The following SACS variants were observed in gnomAD, a reference collection of about 807,000 sequenced individuals.
SACS encodes the protein sacsin molecular chaperone.
Under a neutral mutation model 348.0 loss-of-function variants are expected in SACS, and 197 were observed. The observed-to-expected ratio is 0.57, with a 90% CI of 0.50 to 0.64. The LOEUF is 0.64. Among genes scored for constraint, SACS ranks in the 30% least tolerant of loss-of-function variants. SACS has a pLI of 0.00. For synonymous variants in SACS, 1,985 were observed against 1,910.6 expected (o/e 1.04, Z -1.02); for missense variants, 4,999 against 5,360.8 (o/e 0.93, Z 2.11).
intron 9 of SACS, among the ~76,000 whole-genome samples, chr13:23,346,586 G>C (rs527437101): frequency 1.6e-4 from 25 of 152,290 alleles, no homozygotes; most frequent in African/African-American, 5.8e-4. Flanking sequence ...TCTATGAAGT[G>C]AATGTTTCCA....
chr13:23,388,614 C>T (rs895285883), intron 2 of SACS, among the ~76,000 whole-genome samples: 3 of 149,710 alleles, frequency 2.0e-5, no homozygotes, highest in South Asian at 2.1e-4. Flanking sequence ...TAATTCAAAG[C>T]GAAGTAACTC....
chr13:23,393,137 A>G (rs555440683), intron 2 of SACS, among the ~76,000 whole-genome samples: 1 of 152,270 alleles, frequency 6.6e-6, no homozygotes, highest in East Asian at 1.9e-4. Context: ...GCTCAAATGG[A>G]AAGAACATGA....
chr13:23,333,525 C>T lies in SACS; in HGVS notation c.10351G>A (p.Ala3451Thr). 1 of 1,613,474 alleles carries T rather than the reference C, an allele frequency of 6.2e-7. No individual in the cohort carries two copies. The highest frequency in any genetic ancestry group is 8.5e-7 in the Non-Finnish European group (1 of 1,179,604). Residue 3451 changes from alanine to threonine, a missense_variant, in exon 10 of 10, where the codon GCA becomes ACA. By Grantham distance (58) the Ala-to-Thr change is moderately conservative (BLOSUM62 0). Transcript: ENST00000382292. ...VEKWTQSSSSAFLEEKIHLKE... is the reference protein window; with the variant it reads ...VEKWTQSSSSTFLEEKIHLKE... ...AAGTGTATTTTTTCTTCAAGAAATG[C>T]AGATGATGATGACTGTGTCCATTTC...
intron 1 of SACS, among the ~76,000 whole-genome samples, chr13:23,425,677 A>G (rs928235372): frequency 6.6e-6 from 1 of 151,488 alleles, no homozygotes; most frequent in Admixed American, 6.6e-5. Flanking sequence ...GTGGTGGGGA[A>G]GGCGCCATTT....
At position 23,355,666 on chromosome 13, in the gene SACS, C is replaced by T; in HGVS notation, c.946G>A (p.Val316Ile). The change falls in exon 8 of 10, where the codon GTT becomes ATT. Residue 316 changes from valine to isoleucine, a missense_variant. Coordinates refer to ENST00000382292, the MANE Select transcript of SACS (RefSeq NM_014363.6). ...VLLFLKSVQDVSLYVREADGT... is the reference protein window; with the variant it reads ...VLLFLKSVQDISLYVREADGT... ...TCAGCCTCTCGGACATATAAGGAAA[C>T]ATCCTGCACACTTTTCAGAAAGAGC... The T allele has an allele frequency of 2.5e-6, 4 of 1,614,156 alleles. No individual in the cohort carries two copies. The highest frequency in any genetic ancestry group is 2.2e-5 in the South Asian group (2 of 91,084).
At chr13:23,357,085 G>C (rs981111208) in intron 7 of SACS, among the ~76,000 whole-genome samples, 2 of 152,180 alleles carry the variant, frequency 1.3e-5, no homozygotes, top group African/African-American at 4.8e-5. Flanking sequence ...TTAGAGAAGA[G>C]TCCTCCAGTT....
At chr13:23,353,928 T>C (rs773584431) in intron 8 of SACS, 52 bp from the exon 9 acceptor site, 6 of 1,074,280 alleles carry the variant, frequency 5.6e-6, no homozygotes, top group Middle Eastern at 2.0e-4. Flanking sequence ...AATTCCAAGA[T>C]TTTAAAAAAA....
At chr13:23,370,592 C>T (rs889967142) in intron 4 of SACS, among the ~76,000 whole-genome samples, 3 of 152,146 alleles carry the variant, frequency 2.0e-5, no homozygotes, top group East Asian at 3.9e-4. Flanking sequence ...AAACTTTGTA[C>T]CTTTGGCCAA....
chr13:23,368,583 A>G (rs962998353), intron 4 of SACS, 96 bp from the exon 5 acceptor site: 3 of 855,072 alleles, frequency 3.5e-6, no homozygotes, highest in Non-Finnish European at 5.8e-6. Context: ...ATAACTATAC[A>G]AGTTATGGTT....
At position 23,334,160 on chromosome 13, in the gene SACS, G is replaced by A; in HGVS notation, c.9716C>T (p.Ala3239Val). Residue 3239 changes from alanine to valine, a missense_variant, in exon 10 of 10, where the codon GCA (alanine) becomes GTA (valine). By Grantham distance (64) the Ala-to-Val change is moderately conservative (BLOSUM62 0). Around this residue, in one of 6 missense-constraint regions of SACS, gnomAD observed 734 missense variants for 694.0 expected, o/e 1.06. Coordinates refer to ENST00000382292, the MANE Select transcript of SACS (RefSeq NM_014363.6). ...TGCATTCTTAAGCCAAGACTCACTTGCAAAATTGTCTTTCCACTTTGTGCA... is the reference window on the plus strand; with the variant it reads ...TGCATTCTTAAGCCAAGACTCACTTACAAAATTGTCTTTCCACTTTGTGCA... ...KSCTKWKDNF[A>V]SESWLKNAWH... The A allele has an allele frequency of 1.2e-6, 2 of 1,613,852 alleles. No individual in the cohort carries two copies. The highest frequency in any genetic ancestry group is 1.7e-6 in the Non-Finnish European group (2 of 1,179,822).
At chr13:23,370,680 C>T (rs897140746) in intron 4 of SACS, among the ~76,000 whole-genome samples, 2 of 152,174 alleles carry the variant, frequency 1.3e-5, no homozygotes, top group Admixed American at 6.6e-5. Flanking sequence ...AACTCAATCT[C>T]GGCTGGGAGC....
chr13:23,375,406 G>T (rs1871704240), intron 2 of SACS, 137 bp from the exon 3 acceptor site: 2 of 1,229,996 alleles, frequency 1.6e-6, no homozygotes, highest in Non-Finnish European at 2.0e-6. Context: ...TGACGCCGGC[G>T]CCCGATCACG....
Position 23,334,622 on chromosome 13 carries a change from T to A in SACS, c.9254A>T (p.Asp3085Val). ...CACATAACTAACAGGAATATCTGCATCTATAAGACAGTGGTAAAGATTAGC... is the reference window on the plus strand; with the variant it reads ...CACATAACTAACAGGAATATCTGCAACTATAAGACAGTGGTAAAGATTAGC... Reference protein sequence around the residue: ...ETANLYHCLIDADIPVSYVTP... With the variant: ...ETANLYHCLIVADIPVSYVTP... Residue 3085 changes from aspartate to valine, a missense_variant, in exon 10 of 10, where the codon GAT (aspartate) becomes GTT (valine). Physicochemically the swap from Asp to Val is radical, Grantham distance 152. Around this residue, in one of 6 missense-constraint regions of SACS, gnomAD observed 734 missense variants for 694.0 expected, o/e 1.06. Coordinates refer to ENST00000382292, the MANE Select transcript of SACS (RefSeq NM_014363.6). 6.2e-7 allele frequency: 1 copy of A among 1,613,558 alleles called. No homozygotes were observed. Among genetic ancestry groups the A allele is most frequent in the Middle Eastern group, 1.6e-4 (1 of 6,062 alleles).
intron 2 of SACS, among the ~76,000 whole-genome samples, chr13:23,382,154 T>G (rs1872083172): frequency 6.6e-6 from 1 of 152,214 alleles, no homozygotes; most frequent in Non-Finnish European, 1.5e-5. Context: ...TTTTTGCTTT[T>G]TGTTTTTTGT....
Position 23,337,002 on chromosome 13 carries a change from G to C in SACS, c.6874C>G (p.Leu2292Val). The change falls in exon 10 of 10, where the codon CTG (leucine) becomes GTG (valine). Residue 2292 changes from leucine (L) to valine (V), a missense_variant. Physicochemically the swap from Leu to Val is conservative, Grantham distance 32. Coordinates refer to ENST00000382292, the MANE Select transcript of SACS (RefSeq NM_014363.6). Reference protein sequence around the residue: ...LGLLKKPTVDLVINQLKEVAK... With the variant: ...LGLLKKPTVDVVINQLKEVAK... Reference sequence around the variant, plus strand: ...ACTTCTTTCAATTGGTTTATAACCAGATCAACTGTTGGCTTCTTGAGTAAT... The same window carrying C: ...ACTTCTTTCAATTGGTTTATAACCACATCAACTGTTGGCTTCTTGAGTAAT... 6.2e-7 allele frequency: 1 copy of C among 1,613,972 alleles called. No individual in the cohort carries two copies. Among genetic ancestry groups the C allele is most frequent in the South Asian group, 1.1e-5 (1 of 91,072 alleles).
chr13:23,340,949 C>T lies in SACS; in HGVS notation c.2927G>A (p.Arg976His), dbSNP rs751415868. The change falls in exon 10 of 10, where the codon CGT becomes CAT. Residue 976 changes from arginine (R) to histidine (H), a missense_variant. Arg to His is a conservative substitution (Grantham distance 29). This residue lies in a region of SACS where 3,156 missense variants were observed against 3,380.1 expected (regional missense o/e 0.93). Transcript: ENST00000382292. ...TTCTATTTTCAACATGTTTGCCAGA[C>T]GAATAGTAGCTTCATCACTACTGTC... Reference protein sequence around the residue: ...VIDSSDEATIRLANMLKIEQL... With the variant: ...VIDSSDEATIHLANMLKIEQL... 2.4e-5 allele frequency: 38 copies of T among 1,613,870 alleles called. No homozygotes were observed. The highest frequency in any genetic ancestry group is 9.9e-5 in the South Asian group (9 of 91,080).
In SACS at chr13:23,336,321, C is replaced by A; in HGVS notation, c.7555G>T (p.Gly2519Cys). ...TTTTCTTTCTGCCCAAATTCTGTGCCAAGTGTTGTAAAACAGACATTGGAT... is the reference window on the plus strand; with the variant it reads ...TTTTCTTTCTGCCCAAATTCTGTGCAAAGTGTTGTAAAACAGACATTGGAT... ...YASNVCFTTL[G>C]TEFGQKEKLT... Residue 2519 changes from glycine to cysteine, a missense_variant, in exon 10 of 10, where the codon GGC (glycine) becomes TGC (cysteine). Physicochemically the swap from Gly to Cys is radical, Grantham distance 159. Transcript: ENST00000382292. The A allele has an allele frequency of 6.2e-7, 1 of 1,614,050 alleles. No homozygotes were observed. The highest frequency in any genetic ancestry group is 8.5e-7 in the Non-Finnish European group (1 of 1,179,958).
At chr13:23,410,296 A>G (rs1354500324) in intron 2 of SACS, among the ~76,000 whole-genome samples, 1 of 152,224 alleles carries the variant, frequency 6.6e-6, no homozygotes, top group Non-Finnish European at 1.5e-5. Context: ...AATCAAACCC[A>G]TAAAGTCGTC....
intron 1 of SACS, among the ~76,000 whole-genome samples, chr13:23,413,179 C>T (rs1299019266): frequency 1.3e-5 from 2 of 152,080 alleles, no homozygotes; most frequent in Non-Finnish European, 1.5e-5. Flanking sequence ...GATTTCTCCA[C>T]ATTGGTCAGG....
Sources: gnomAD v4.1 joint callset for allele counts (sites outside exome capture counted in the v4.1 genomes callset) on GRCh38, gnomAD v4.1.1 for gene constraint, gnomAD v4.1.1 regional missense constraint, MANE v1.5 for transcripts, NCBI Gene and HGNC (gene_info 2026-07-23, HGNC 2026-07-21) for gene names.